SORCS3: variants seen among roughly 807,000 people sequenced by gnomAD.
The protein encoded by SORCS3 is sortilin related VPS10 domain containing receptor 3.
A neutral mutation model predicts 146.3 loss-of-function variants in SORCS3; 57 were observed. The ratio of observed to expected loss-of-function variants is 0.39; its 90% confidence interval spans 0.31 to 0.49. SORCS3 has a LOEUF of 0.49. Ranked by LOEUF, SORCS3 falls within the 20% of genes least tolerant of loss-of-function variation. SORCS3 has a pLI of 0.92. For missense variants in SORCS3, 1,341 were observed against 1,575.5 expected (o/e 0.85, Z 2.52); for synonymous variants, 653 against 618.5 (o/e 1.06, Z -0.83).
chr10:104,944,711 CAAG>C (rs2019352299), intron 3 of SORCS3, among the ~76,000 whole-genome samples: 1 of 152,150 alleles, frequency 6.6e-6, no homozygotes, highest in Non-Finnish European at 1.5e-5. Flanking sequence ...CAAGTGTTGG[CAAG>C]AAGGTGAGGC....
intron 5 of SORCS3, among the ~76,000 whole-genome samples, chr10:105,050,376 A>C (rs558807030): frequency 6.6e-6 from 1 of 152,222 alleles, no homozygotes; most frequent in South Asian, 2.1e-4. Flanking sequence ...TCTCATGCTT[A>C]CTTGCTCAAA....
At chr10:104,643,874 A>C (rs2133233460) in intron 1 of SORCS3, among the ~76,000 whole-genome samples, 1 of 152,110 alleles carries the variant, frequency 6.6e-6, no homozygotes, top group South Asian at 2.1e-4. Context: ...GGACAATATA[A>C]ATTCACCCTC....
chr10:104,844,047 C>T (rs1372310441), intron 2 of SORCS3, among the ~76,000 whole-genome samples: 1 of 152,134 alleles, frequency 6.6e-6, no homozygotes, highest in African/African-American at 2.4e-5. Context: ...AGCTTCTCTC[C>T]AGGAAAGAGG....
chr10:104,956,706 C>T (rs1036791250), intron 3 of SORCS3, among the ~76,000 whole-genome samples: 4 of 151,794 alleles, frequency 2.6e-5, no homozygotes, highest in Non-Finnish European at 4.4e-5. Flanking sequence ...CTGTGTGTTC[C>T]CTGTTTACTG....
intron 3 of SORCS3, among the ~76,000 whole-genome samples, chr10:104,932,300 G>C (rs904728631): frequency 6.6e-6 from 1 of 152,172 alleles, no homozygotes; most frequent in African/African-American, 2.4e-5. Flanking sequence ...TATAAAGATT[G>C]TTTCTCTTTA....
chr10:105,050,868 C>T (rs140400510), intron 5 of SORCS3, among the ~76,000 whole-genome samples: 59 of 152,260 alleles, frequency 3.9e-4, no homozygotes, highest in African/African-American at 1.4e-3. Context: ...TCTTGGACTA[C>T]TTCCTCTGTT....
intron 3 of SORCS3, among the ~76,000 whole-genome samples, chr10:104,963,976 C>T (rs2054812123): frequency 6.6e-6 from 1 of 152,124 alleles, no homozygotes; most frequent in South Asian, 2.1e-4. Flanking sequence ...CAAAAATACA[C>T]CCAGAAACTG....
chr10:104,700,963 C>T (rs2133430546), intron 1 of SORCS3, among the ~76,000 whole-genome samples: 1 of 152,284 alleles, frequency 6.6e-6, no homozygotes, highest in Non-Finnish European at 1.5e-5. Context: ...TGATAGAAGA[C>T]TATTATTGCT....
intron 5 of SORCS3, among the ~76,000 whole-genome samples, chr10:105,062,315 C>G (rs1199956622): frequency 6.6e-6 from 1 of 152,134 alleles, no homozygotes; most frequent in African/African-American, 2.4e-5. Context: ...TGCTAATTAG[C>G]TGTGTGTCTT....
chr10:104,765,158 C>T (rs2017164936), intron 1 of SORCS3, among the ~76,000 whole-genome samples: 1 of 152,184 alleles, frequency 6.6e-6, no homozygotes, highest in Admixed American at 6.5e-5. Flanking sequence ...CCCCGTGGAA[C>T]CTAGTCTTTT....
intron 1 of SORCS3, among the ~76,000 whole-genome samples, chr10:104,655,488 T>C (rs1004116333): frequency 2.0e-5 from 3 of 152,158 alleles, no homozygotes; most frequent in African/African-American, 7.2e-5. Flanking sequence ...CTCCCACTTG[T>C]AAGTGAGAAC....
intron 1 of SORCS3, among the ~76,000 whole-genome samples, chr10:104,765,576 T>G (rs1205467379): frequency 6.6e-6 from 1 of 152,230 alleles, no homozygotes; most frequent in Non-Finnish European, 1.5e-5. Context: ...CAGCCCCCTG[T>G]GCACTTTGTC....
At chr10:105,228,077 G>A (rs1209529531) in intron 20 of SORCS3, among the ~76,000 whole-genome samples, 2 of 150,484 alleles carry the variant, frequency 1.3e-5, no homozygotes, top group Admixed American at 6.7e-5. Context: ...ACTTTACTGA[G>A]GAAAGTTAAT....
chr10:105,124,698 T>C (rs2055960162), intron 7 of SORCS3, among the ~76,000 whole-genome samples: 1 of 152,196 alleles, frequency 6.6e-6, no homozygotes. Flanking sequence ...TGTTTTCTTA[T>C]AATCCAGCTT....
At chr10:104,854,656 C>T (rs753034428) in intron 2 of SORCS3, among the ~76,000 whole-genome samples, 1 of 152,094 alleles carries the variant, frequency 6.6e-6, no homozygotes, top group Non-Finnish European at 1.5e-5. Flanking sequence ...TGATGCTGAA[C>T]TGTTCCATCA....
intron 2 of SORCS3, among the ~76,000 whole-genome samples, chr10:104,879,659 C>A (rs1222371639): frequency 6.6e-6 from 1 of 152,140 alleles, no homozygotes; most frequent in Non-Finnish European, 1.5e-5. Flanking sequence ...TTTGTGCAAG[C>A]CAGACAAAGA....
At chr10:105,256,958 G>A in intron 25 of SORCS3, 34 bp downstream of exon 25, 1 of 1,462,562 alleles carries the variant, frequency 6.8e-7, no homozygotes, top group Non-Finnish European at 9.6e-7. Flanking sequence ...TAGTAGTGGG[G>A]TTGGGGTCAT....
At chr10:104,670,066 T>C (rs895270790) in intron 1 of SORCS3, among the ~76,000 whole-genome samples, 1 of 152,122 alleles carries the variant, frequency 6.6e-6, no homozygotes, top group African/African-American at 2.4e-5. Context: ...TTTTTGAAAT[T>C]GAGTTGCTTG....
chr10:104,783,686 C>T (rs2017400091), intron 1 of SORCS3, among the ~76,000 whole-genome samples: 1 of 152,034 alleles, frequency 6.6e-6, no homozygotes, highest in Admixed American at 6.6e-5. Context: ...AAGATTGCGC[C>T]ATTGCACTCC....
Sources: gnomAD v4.1 joint callset for allele counts (sites outside exome capture counted in the v4.1 genomes callset) on GRCh38, gnomAD v4.1.1 for gene constraint, MANE v1.5 for transcripts, NCBI Gene and HGNC (gene_info 2026-07-23, HGNC 2026-07-21) for gene names.